Variants in CDV3 observed in about 807,000 individuals in gnomAD.
CDV3 encodes CDV3 homolog.
Under a neutral mutation model 24.5 loss-of-function variants are expected in CDV3, and 14 were observed. The observed-to-expected ratio is 0.57, with a 90% CI of 0.38 to 0.89. The LOEUF is 0.89. Ranked by LOEUF, CDV3 falls within the 40% of genes least tolerant of loss-of-function variation. The pLI is 0.00. For missense variants in CDV3, 304 were observed against 310.2 expected, an observed-to-expected ratio of 0.98 and a Z score of 0.15; for synonymous variants, 114 against 114.1, an observed-to-expected ratio of 1.00 and a Z score of 0.00.
intron 1 of CDV3, chr3:133,574,680 A>G: frequency 9.6e-7 from 1 of 1,038,000 alleles, no homozygotes; most frequent in South Asian, 3.2e-5. Context: ...CATTTGTAGC[A>G]GCTCTTTTGT....
intron 2 of CDV3, among the ~76,000 whole-genome samples, chr3:133,578,265 C>G (rs572052010): frequency 2.5e-4 from 38 of 152,294 alleles, no homozygotes; most frequent in African/African-American, 8.2e-4. Context: ...AGCTGCTAGG[C>G]CCAGCCACTT....
rs779337478 is a variant in CDV3, at chr3:133,574,095, CAAG to C, written c.64_66del (p.Lys22del). The stretch of plus-strand genomic sequence containing the variant: ...TGGACAACTTCTTTGCCAAGAGGGA[CAAG>C]AAGAAGAAGAAGGAGCGGAGCAACC... On this transcript the variant is annotated inframe_deletion, in exon 1 of 5. Transcript: ENST00000264993. The C allele has an allele frequency of 2.4e-3, 2,909 of 1,208,256 alleles. No individual in the cohort carries two copies. The highest frequency in any genetic ancestry group is 9.9e-3 in the South Asian group (609 of 61,766). 74.8% of individuals were successfully genotyped at this position (1,208,256 alleles called of 1,614,324 possible). A position where few individuals can be genotyped will look rare whatever the true frequency, so the allele number is the denominator to read the frequency against.
At position 133,574,283 on chromosome 3, in the gene CDV3, A is replaced by C; in HGVS notation, c.239A>C (p.Lys80Thr). Residue 80 changes from lysine (K) to threonine (T), a missense_variant and splice_region_variant, in exon 1 of 5, where the codon AAG becomes ACG. Around this residue, in one of 3 missense-constraint regions of CDV3, gnomAD observed 219 missense variants for 203.6 expected, o/e 1.08. Transcript: ENST00000264993. ...GGGGCCGCCACCAAGGCTGTGACGA[A>C]GGTGAGGGGCCGGGAGGCCGGCACT... ...GPGAATKAVTKDEDEWKELEQ... is the reference protein window; with the variant it reads ...GPGAATKAVTTDEDEWKELEQ... 1 of 982,166 alleles carries C rather than the reference A, an allele frequency of 1.0e-6. No homozygotes were observed. Among genetic ancestry groups the C allele is most frequent in the Non-Finnish European group, 1.2e-6 (1 of 826,984 alleles). 60.8% of individuals were successfully genotyped at this position (982,166 alleles called of 1,614,324 possible).
rs370619351 is a variant in CDV3 at position 133,576,841 on chromosome 3, C to CTTTT, written c.317+1746_317+1749dup. Among the ~76,000 whole-genome samples the CTTTT allele has an allele frequency of 9.6e-4, 60 of 62,382 alleles. 13 individuals are homozygous for CTTTT. The highest frequency in any genetic ancestry group is 2.0e-3 in the African/African-American group (30 of 14,730). The allele number at this position is 62,382 out of a possible 152,430, so 40.9% of individuals were successfully genotyped here. On this transcript the variant is annotated intron_variant, in intron 2 of 4. Coordinates refer to ENST00000264993, the MANE Select transcript of CDV3 (RefSeq NM_017548.5). ...TCTGTTCAACCTGAAGGTAGACTAG[C>CTTTT]TTTTTTTTTTTTTTTTTTTTTTTGA...
At chr3:133,584,639 C>T (rs1004969953) in intron 3 of CDV3, among the ~76,000 whole-genome samples, 3 of 152,128 alleles carry the variant, frequency 2.0e-5, no homozygotes, top group Non-Finnish European at 4.4e-5. Flanking sequence ...TGAGTAAAGA[C>T]AGAAAGACAA....
At chr3:133,582,023 T>G (rs920454290) in intron 2 of CDV3, among the ~76,000 whole-genome samples, 3 of 152,232 alleles carry the variant, frequency 2.0e-5, no homozygotes, top group African/African-American at 7.2e-5. Context: ...CAGATAAAGT[T>G]GTAAGTAAAA....
rs2107740017 is a variant in CDV3 at position 133,586,551 on chromosome 3, A to G, written c.467-12A>G. On this transcript the variant is annotated splice_polypyrimidine_tract_variant and intron_variant, in intron 3 of 4. Transcript: ENST00000264993. ...TTAAATAGTTTATCTAAAAATTGTT[A>G]TAAAATATTAGTTACAGAAACCCCA... The G allele has an allele frequency of 1.4e-6, 2 of 1,450,736 alleles. No homozygotes were observed. Among genetic ancestry groups the G allele is most frequent in the Non-Finnish European group, 1.9e-6 (2 of 1,047,822 alleles). The allele number at this position is 1,450,736 out of a possible 1,614,324, so 89.9% of individuals were successfully genotyped here. A position where few individuals can be genotyped will look rare whatever the true frequency, so the allele number is the denominator to read the frequency against.
At chr3:133,579,163 G>A (rs531969920) in intron 2 of CDV3, among the ~76,000 whole-genome samples, 19 of 152,316 alleles carry the variant, frequency 1.2e-4, no homozygotes, top group Admixed American at 2.6e-4. Flanking sequence ...ACTTTGTACA[G>A]TGGGGTGGAA....
At chr3:133,583,227 A>C (rs933396227) in intron 2 of CDV3, among the ~76,000 whole-genome samples, 2 of 152,210 alleles carry the variant, frequency 1.3e-5, no homozygotes, top group African/African-American at 4.8e-5. Flanking sequence ...CTCTGTAAAC[A>C]CTGGACACAG....
chr3:133,585,129 A>T (rs1182930949), intron 3 of CDV3, among the ~76,000 whole-genome samples: 1 of 152,068 alleles, frequency 6.6e-6, no homozygotes, highest in Non-Finnish European at 1.5e-5. Flanking sequence ...ATCATGGCTC[A>T]TTGCAGCCCC....
At position 133,573,732 on chromosome 3, in the gene CDV3, G is replaced by A. The variant is rs986849303; in HGVS notation, c.-313G>A. The A allele has an allele frequency of 1.3e-5, 2 of 151,932 alleles. No individual in the cohort carries two copies. The highest frequency in any genetic ancestry group is 4.8e-5 in the African/African-American group (2 of 41,360). The allele number at this position is 151,932 out of a possible 1,614,324, so 9.4% of individuals were successfully genotyped here. A position where few individuals can be genotyped will look rare whatever the true frequency, so the allele number is the denominator to read the frequency against. Reference sequence around the variant, plus strand: ...GCCGAGCACTCTCGCCAGAACCTCTGGCTCGCGCGTGCCTTTTCCCCTCAG... The same window carrying A: ...GCCGAGCACTCTCGCCAGAACCTCTAGCTCGCGCGTGCCTTTTCCCCTCAG... On this transcript the variant is annotated 5_prime_UTR_variant, in exon 1 of 5. Coordinates refer to ENST00000264993, the MANE Select transcript of CDV3 (RefSeq NM_017548.5).
At position 133,588,095 on chromosome 3, in the gene CDV3, A is replaced by T. The variant is rs1234503078; in HGVS notation, c.*49A>T. The T allele has an allele frequency of 1.9e-6, 3 of 1,591,640 alleles. No homozygotes were observed. Among genetic ancestry groups the T allele is most frequent in the Non-Finnish European group, 2.6e-6 (3 of 1,169,282 alleles). On this transcript the variant is annotated 3_prime_UTR_variant, in exon 5 of 5. Coordinates refer to ENST00000264993, the MANE Select transcript of CDV3 (RefSeq NM_017548.5). ...TGAGGTAACTAGACTGCAGCTAACC[A>T]CCACCAACAGCCATTCATCATCTGA... is the stretch of plus-strand genomic sequence containing the variant.
intron 3 of CDV3, 82 bp downstream of exon 3, chr3:133,584,232 A>T: frequency 9.6e-7 from 1 of 1,044,990 alleles, no homozygotes; most frequent in Non-Finnish European, 1.4e-6. Flanking sequence ...TAAGTGCATG[A>T]TTGTGGTAGG....
intron 3 of CDV3, among the ~76,000 whole-genome samples, 156 bp downstream of exon 3, chr3:133,584,306 C>T (rs1351992742): frequency 6.6e-6 from 1 of 152,124 alleles, no homozygotes; most frequent in East Asian, 1.9e-4. Flanking sequence ...TTGTTAAAGA[C>T]TTTAAAATCC....
At chr3:133,587,560 G>A (rs961965978) in intron 4 of CDV3, 2 of 1,101,456 alleles carry the variant, frequency 1.8e-6, no homozygotes, top group Non-Finnish European at 2.2e-6. Flanking sequence ...TGCATAAAGA[G>A]AGAGATGTAT....
At chr3:133,577,324 G>T (rs979278413) in intron 2 of CDV3, among the ~76,000 whole-genome samples, 5 of 150,838 alleles carry the variant, frequency 3.3e-5, no homozygotes, top group African/African-American at 4.9e-5. Context: ...CTATTTCTCG[G>T]TATACTGAGA....
In CDV3 at chr3:133,573,919, C is replaced by T. The variant is rs1576629092; in HGVS notation, c.-126C>T. 4 of 743,042 alleles carry T rather than the reference C, an allele frequency of 5.4e-6. No individual in the cohort carries two copies. In the African/African-American group the frequency reaches 5.8e-5, roughly 11 times the overall value. 46.0% of individuals were successfully genotyped at this position (743,042 alleles called of 1,614,324 possible). ...TCTCGCCGCGCACGCCTCGGCGACC[C>T]CGCGGGGCTGAGGCGTCGCCGCGCC... On this transcript the variant is annotated 5_prime_UTR_variant, in exon 1 of 5. Transcript: ENST00000264993.
chr3:133,581,915 T>G (rs574193342), intron 2 of CDV3, among the ~76,000 whole-genome samples: 1 of 152,364 alleles, frequency 6.6e-6, no homozygotes, highest in Admixed American at 6.5e-5. Context: ...AAAGGAAAAC[T>G]GAGAGATGGC....
chr3:133,576,493 C>G (rs1212651529), intron 2 of CDV3, among the ~76,000 whole-genome samples: 1 of 152,170 alleles, frequency 6.6e-6, no homozygotes, highest in Admixed American at 6.5e-5. Flanking sequence ...TCCTAAGTGA[C>G]TGCAGGTTCT....
Sources: allele counts gnomAD v4.1 joint callset (sites outside exome capture counted in the v4.1 genomes callset), GRCh38; gene constraint gnomAD v4.1.1; regional missense constraint gnomAD v4.1.1; transcripts MANE v1.5; gene names NCBI Gene and HGNC (gene_info 2026-07-23, HGNC 2026-07-21).